Variants in CNTNAP2 observed in about 807,000 individuals in gnomAD.
CNTNAP2 encodes the protein contactin-associated protein-like 2.
CNTNAP2 carries 98 observed loss-of-function variants against 155.2 expected under a neutral mutation model. That is an observed-to-expected ratio of 0.63 (90% CI 0.54 to 0.75). The LOEUF is 0.75. Among genes scored for constraint, CNTNAP2 ranks in the 30% least tolerant of loss-of-function variants. CNTNAP2 has a pLI of 0.00. For synonymous variants in CNTNAP2, 651 were observed against 631.2 expected (o/e 1.03, Z -0.47); for missense variants, 1,727 against 1,688.1 (o/e 1.02, Z -0.40).
At chr7:146,340,038 G>A (rs1164528332) in intron 1 of CNTNAP2, among the ~76,000 whole-genome samples, 2 of 151,784 alleles carry the variant, frequency 1.3e-5, no homozygotes, top group Non-Finnish European at 2.9e-5. Context: ...GCATGGTGGT[G>A]GGTGCCTGTA....
At chr7:146,674,277 G>T (rs1800357880) in intron 1 of CNTNAP2, among the ~76,000 whole-genome samples, 1 of 152,142 alleles carries the variant, frequency 6.6e-6, no homozygotes, top group Non-Finnish European at 1.5e-5. Flanking sequence ...GGGGAAAAGT[G>T]CTATTTACTT....
At chr7:148,105,589 T>TTTA (rs1563201052) in intron 15 of CNTNAP2, among the ~76,000 whole-genome samples, 12 of 138,906 alleles carry the variant, frequency 8.6e-5, no homozygotes, top group African/African-American at 3.8e-4. Context: ...TTTTTTATTT[T>TTTA]TTTTTTTTAT....
chr7:146,507,259 C>T (rs777406220), intron 1 of CNTNAP2, among the ~76,000 whole-genome samples: 90 of 152,176 alleles, frequency 5.9e-4, no homozygotes, highest in Non-Finnish European at 9.1e-4. Flanking sequence ...AGCTCACCTC[C>T]ATTCCAAAGT....
At chr7:148,281,906 G>A (rs1031597999) in intron 21 of CNTNAP2, among the ~76,000 whole-genome samples, 2 of 141,546 alleles carry the variant, frequency 1.4e-5, no homozygotes, top group African/African-American at 2.6e-5. Flanking sequence ...CGTGATCTCA[G>A]CTCACTGCAA....
At chr7:148,290,006 G>A (rs946025245) in intron 21 of CNTNAP2, among the ~76,000 whole-genome samples, 13 of 152,144 alleles carry the variant, frequency 8.5e-5, no homozygotes, top group African/African-American at 2.9e-4. Flanking sequence ...AATGAAAATT[G>A]TAGCACATGT....
chr7:146,254,165 G>A (rs10248074), intron 1 of CNTNAP2, among the ~76,000 whole-genome samples: 1,552 of 122,694 alleles, frequency 0.013, 19 homozygotes, highest in African/African-American at 0.053. Flanking sequence ...ACACACACAA[G>A]CAAACACACA....
intron 1 of CNTNAP2, among the ~76,000 whole-genome samples, chr7:146,335,066 T>C (rs1043824551): frequency 3.9e-5 from 6 of 152,228 alleles, no homozygotes; most frequent in African/African-American, 1.4e-4. Context: ...TTTTTATCTT[T>C]GCATCCCTAG....
chr7:147,066,975 G>C (rs898070701), intron 4 of CNTNAP2, among the ~76,000 whole-genome samples: 1 of 152,094 alleles, frequency 6.6e-6, no homozygotes, highest in Admixed American at 6.6e-5. Context: ...CGAAGAGAAC[G>C]AGCTAGCTGT....
chr7:146,246,765 A>G (rs1799665586), intron 1 of CNTNAP2, among the ~76,000 whole-genome samples: 1 of 152,152 alleles, frequency 6.6e-6, no homozygotes, highest in Admixed American at 6.5e-5. Context: ...GGTGTCCTGC[A>G]CAGATGGGAC....
chr7:147,729,562 C>CAA (rs71183025), intron 13 of CNTNAP2, among the ~76,000 whole-genome samples: 6 of 150,934 alleles, frequency 4.0e-5, no homozygotes, highest in South Asian at 2.1e-4. Flanking sequence ...TGCTTTGAGG[C>CAA]AAAAAAAATA....
chr7:147,081,381 A>G (rs913867665), intron 4 of CNTNAP2: 1 of 151,508 alleles, frequency 6.6e-6, no homozygotes, highest in African/African-American at 2.4e-5. Flanking sequence ...CAAAACTGGC[A>G]ATCCCAACCA....
intron 15 of CNTNAP2, among the ~76,000 whole-genome samples, chr7:148,008,959 C>G (rs145045482): frequency 6.6e-6 from 1 of 152,158 alleles, no homozygotes; most frequent in African/African-American, 2.4e-5. Flanking sequence ...GAAAGAATAA[C>G]ATTATGTGGA....
intron 1 of CNTNAP2, among the ~76,000 whole-genome samples, chr7:146,684,591 CAG>C (rs1055320956): frequency 1.9e-5 from 2 of 106,670 alleles, no homozygotes; most frequent in African/African-American, 7.6e-5. Flanking sequence ...ATCACCATGA[CAG>C]AATAGAATGT....
intron 1 of CNTNAP2, among the ~76,000 whole-genome samples, chr7:146,502,781 A>C (rs2129133642): frequency 6.6e-6 from 1 of 152,138 alleles, no homozygotes; most frequent in South Asian, 2.1e-4. Context: ...ATGCTGGCTA[A>C]TTTTTGTATT....
At chr7:148,408,030 A>C (rs1014613304) in intron 22 of CNTNAP2, among the ~76,000 whole-genome samples, 4 of 152,186 alleles carry the variant, frequency 2.6e-5, no homozygotes, top group Admixed American at 2.0e-4. Context: ...GGATAACTTG[A>C]GATCAGGAGT....
At chr7:147,303,383 G>A (rs1794977506) in intron 9 of CNTNAP2, among the ~76,000 whole-genome samples, 1 of 152,158 alleles carries the variant, frequency 6.6e-6, no homozygotes, top group Non-Finnish European at 1.5e-5. Flanking sequence ...ACCCCCTCTG[G>A]TGTGGGTGTA....
chr7:147,151,821 T>C (rs1167931462), intron 8 of CNTNAP2, among the ~76,000 whole-genome samples: 1 of 152,182 alleles, frequency 6.6e-6, no homozygotes, highest in African/African-American at 2.4e-5. Context: ...ATGTTTTCAC[T>C]GCTCCTGAGC....
In CNTNAP2 at chr7:146,457,721, T is replaced by TCTCGATCTCCTGAC. The variant is rs1796578297; in HGVS notation, c.98-316546_98-316533dup. 2.0e-5 allele frequency among the ~76,000 whole-genome samples: 3 copies of TCTCGATCTCCTGAC among 151,394 alleles called. No homozygotes were observed. The South Asian group carries it at 6.3e-4, about 32-fold the overall frequency. On this transcript the variant is annotated intron_variant, in intron 1 of 23. Coordinates refer to ENST00000361727, the MANE Select transcript of CNTNAP2 (RefSeq NM_014141.6). ...GGTTTCACCGTGTTAGCAAGGATGG[T>TCTCGATCTCCTGAC]CTCGATCTCCTGACCTCATGATCCA...
chr7:147,350,651 C>G (rs200532609), intron 9 of CNTNAP2, among the ~76,000 whole-genome samples: 1 of 151,662 alleles, frequency 6.6e-6, no homozygotes, highest in East Asian at 1.9e-4. Flanking sequence ...TTAGTTTCTC[C>G]CCTTCAGTGC....
Sources: gnomAD v4.1 joint callset for allele counts (sites outside exome capture counted in the v4.1 genomes callset) on GRCh38, gnomAD v4.1.1 for gene constraint, MANE v1.5 for transcripts, NCBI Gene and HGNC (gene_info 2026-07-23, HGNC 2026-07-21) for gene names.